The following CFAP54 variants were observed in gnomAD, a reference collection of about 807,000 sequenced individuals.
CFAP54 encodes cilia and flagella associated protein 54, also known as cilia- and flagella-associated protein 54.
CFAP54 carries 290 observed loss-of-function variants against 370.4 expected under a neutral mutation model. The observed-to-expected ratio is 0.78, with a 90% CI of 0.71 to 0.86. The LOEUF is 0.86. CFAP54 is among the 40% of genes least tolerant of loss of function. The pLI is 0.00. For missense variants in CFAP54, 3,399 were observed against 3,528.7 expected (o/e 0.96, Z 0.93); for synonymous variants, 1,206 against 1,236.5 (o/e 0.98, Z 0.52).
At chr12:96,554,972 T>G in intron 17 of CFAP54, 170 bp downstream of exon 17, 1 of 538,854 alleles carries the variant, frequency 1.9e-6, no homozygotes. Context: ...AAATCTTTCC[T>G]TATTGCTTTA....
In CFAP54 at chr12:96,641,930, G is replaced by A. The variant is rs566493768; in HGVS notation, c.4317-2248G>A. ...ACATCACACACCGGGGCCTGTTGTG[G>A]GGTGGTGCGGGGGGGGAGGGATAGC... On this transcript the variant is annotated intron_variant, in intron 32 of 67. Transcript: ENST00000524981. Among the ~76,000 whole-genome samples, 3 of 143,068 alleles carry A rather than the reference G, an allele frequency of 2.1e-5. No homozygotes were observed. In the East Asian group the frequency reaches 7.9e-4, roughly 38 times the overall value. The allele number at this position is 143,068 out of a possible 152,430, so 93.9% of individuals were successfully genotyped here.
At chr12:96,811,068 G>A (rs753677754) in intron 63 of CFAP54, among the ~76,000 whole-genome samples, 7 of 152,032 alleles carry the variant, frequency 4.6e-5, no homozygotes, top group African/African-American at 7.2e-5. Context: ...CTAATTACTC[G>A]GTTTTGATTG....
intron 66 of CFAP54, among the ~76,000 whole-genome samples, chr12:96,836,882 C>T (rs962656937): frequency 6.6e-6 from 1 of 152,066 alleles, no homozygotes; most frequent in Non-Finnish European, 1.5e-5. Context: ...GACTATAGTG[C>T]AGTGGTGTGA....
intron 20 of CFAP54, among the ~76,000 whole-genome samples, chr12:96,578,193 A>C (rs767666413): frequency 1.3e-5 from 2 of 152,236 alleles, no homozygotes; most frequent in Admixed American, 6.5e-5. Context: ...TTGAGGTATA[A>C]AGATAAATAT....
At chr12:96,605,574 G>T (rs1331602406) in intron 26 of CFAP54, among the ~76,000 whole-genome samples, 1 of 152,142 alleles carries the variant, frequency 6.6e-6, no homozygotes, top group Non-Finnish European at 1.5e-5. Context: ...GCAAGAGTGT[G>T]GTCAGAATAG....
chr12:96,557,333 AAAG>A (rs770682524), intron 17 of CFAP54, among the ~76,000 whole-genome samples: 40 of 152,222 alleles, frequency 2.6e-4, no homozygotes, highest in Non-Finnish European at 4.6e-4. Context: ...TAAGCAAAAG[AAAG>A]AAGGAGAACT....
At chr12:96,759,125 T>G (rs1383252741) in intron 58 of CFAP54, among the ~76,000 whole-genome samples, 2 of 152,146 alleles carry the variant, frequency 1.3e-5, no homozygotes, top group Non-Finnish European at 2.9e-5. Flanking sequence ...TTAAAACCTT[T>G]AGGCAAATAG....
chr12:96,699,814 C>G (rs1366079958), intron 45 of CFAP54, among the ~76,000 whole-genome samples, 157 bp from the exon 46 acceptor site: 1 of 152,186 alleles, frequency 6.6e-6, no homozygotes, highest in Non-Finnish European at 1.5e-5. Flanking sequence ...ACACGCATCT[C>G]TCTCCACTGT....
chr12:96,675,352 G>A (rs1957194019), intron 39 of CFAP54, among the ~76,000 whole-genome samples: 2 of 152,156 alleles, frequency 1.3e-5, no homozygotes, highest in African/African-American at 4.8e-5. Flanking sequence ...CATCATCACT[G>A]GCCATCAGAG....
intron 46 of CFAP54, among the ~76,000 whole-genome samples, chr12:96,702,406 G>A (rs1437072988): frequency 1.3e-5 from 2 of 152,088 alleles, no homozygotes; most frequent in East Asian, 3.9e-4. Flanking sequence ...GAATTCAGCT[G>A]GGGATGAGGC....
intron 1 of CFAP54, among the ~76,000 whole-genome samples, chr12:96,492,474 G>T (rs1370395910): frequency 1.3e-5 from 2 of 152,180 alleles, no homozygotes; most frequent in South Asian, 4.1e-4. Flanking sequence ...CCTCAGCTCA[G>T]TTGTCACCTC....
intron 50 of CFAP54, among the ~76,000 whole-genome samples, chr12:96,729,640 C>T (rs546414987): frequency 5.3e-5 from 8 of 152,342 alleles, no homozygotes; most frequent in South Asian, 4.1e-4. Flanking sequence ...TTGCGCTTCC[C>T]GAGTGAGGCA....
chr12:96,681,644 CA>C lies in CFAP54; in HGVS notation c.5716+1895del, dbSNP rs1489027479. 1.8e-4 allele frequency among the ~76,000 whole-genome samples: 27 copies of C among 152,012 alleles called. 1 individual carries two copies. The highest frequency in any genetic ancestry group is 6.0e-4 in the African/African-American group (25 of 41,446). On this transcript the variant is annotated intron_variant, in intron 40 of 67. Coordinates refer to ENST00000524981, the MANE Select transcript of CFAP54 (RefSeq NM_001306084.2). ...GCAGTGGCGTGATCTTGGCTTACTGCAAACTCTGCCTTCTGGGTTCAAGCGA... is the reference window on the plus strand; with the variant it reads ...GCAGTGGCGTGATCTTGGCTTACTGCAACTCTGCCTTCTGGGTTCAAGCGA...
At chr12:96,678,962 C>T (rs1443305210) in intron 39 of CFAP54, among the ~76,000 whole-genome samples, 2 of 152,158 alleles carry the variant, frequency 1.3e-5, no homozygotes, top group African/African-American at 2.4e-5. Flanking sequence ...TGTGATTCCT[C>T]TCTCTTGGTC....
chr12:96,782,765 A>T (rs571305573), intron 60 of CFAP54, among the ~76,000 whole-genome samples: 1 of 152,346 alleles, frequency 6.6e-6, no homozygotes, highest in Non-Finnish European at 1.5e-5. Context: ...AAAAGGCAAG[A>T]TTGGTCAAAA....
intron 65 of CFAP54, among the ~76,000 whole-genome samples, chr12:96,821,504 C>A (rs764286692): frequency 3.3e-5 from 5 of 152,068 alleles, no homozygotes; most frequent in Non-Finnish European, 7.4e-5. Context: ...GAAAGTGTTT[C>A]TTCAGCTTTA....
chr12:96,826,035 T>C lies in CFAP54; in HGVS notation c.9097-2979T>C, dbSNP rs1313968217. The stretch of plus-strand genomic sequence containing the variant: ...TATAGAAATTAATAATAGATATTAA[T>C]ATATTATATATATTTTATATATACA... On this transcript the variant is annotated intron_variant, in intron 65 of 67. Transcript: ENST00000524981. Among the ~76,000 whole-genome samples the C allele has an allele frequency of 2.1e-5, 3 of 144,492 alleles. No homozygotes were observed. In the Admixed American group the frequency reaches 2.1e-4, roughly 10 times the overall value. 94.8% of individuals were successfully genotyped at this position (144,492 alleles called of 152,430 possible).
chr12:96,833,839 A>C (rs1393044870), intron 66 of CFAP54, among the ~76,000 whole-genome samples: 1 of 152,120 alleles, frequency 6.6e-6, no homozygotes, highest in Non-Finnish European at 1.5e-5. Context: ...ATACTTATTG[A>C]GCACATGGCA....
chr12:96,639,998 A>G (rs1332147881), intron 32 of CFAP54, among the ~76,000 whole-genome samples: 3 of 152,236 alleles, frequency 2.0e-5, no homozygotes, highest in Admixed American at 2.0e-4. Context: ...AACTGGAAGC[A>G]TTCCCTTTGA....
Sources: gnomAD v4.1 joint callset for allele counts (sites outside exome capture counted in the v4.1 genomes callset) on GRCh38, gnomAD v4.1.1 for gene constraint, MANE v1.5 for transcripts, NCBI Gene and HGNC (gene_info 2026-07-23, HGNC 2026-07-21) for gene names.